The following NAV2 variants were observed in gnomAD, a reference collection of about 807,000 sequenced individuals.
NAV2 encodes neuron navigator 2, also known as helicase, APC down-regulated 1.
NAV2 carries 54 observed loss-of-function variants against 223.2 expected under a neutral mutation model. The ratio of observed to expected loss-of-function variants is 0.24; its 90% CI spans 0.19 to 0.30. The LOEUF is 0.30. NAV2 is among the 10% of genes least tolerant of loss of function. The probability of loss-of-function intolerance (pLI) is 1.00; values close to 1 mark genes in which losing one functional copy is unlikely to be tolerated. For synonymous variants in NAV2, 1,279 were observed against 1,239.3 expected (o/e 1.03, Z -0.67); for missense variants, 2,806 against 3,147.5 (o/e 0.89, Z 2.60).
At chr11:19,468,700 T>C (rs984739389) in intron 1 of NAV2, among the ~76,000 whole-genome samples, 2 of 152,210 alleles carry the variant, frequency 1.3e-5, no homozygotes, top group Admixed American at 6.5e-5. Flanking sequence ...AACAGGAGGA[T>C]TAAATTGAAA....
intron 1 of NAV2, among the ~76,000 whole-genome samples, chr11:19,605,593 C>T: frequency 6.6e-6 from 1 of 151,562 alleles, no homozygotes; most frequent in East Asian, 1.9e-4. Flanking sequence ...TAGCTGAGAC[C>T]TGTGCAAGGG....
chr11:19,468,958 G>C (rs2133917133), intron 1 of NAV2, among the ~76,000 whole-genome samples: 1 of 152,274 alleles, frequency 6.6e-6, no homozygotes, highest in South Asian at 2.1e-4. Flanking sequence ...CTGTAAAATT[G>C]AGATAACCAA....
chr11:19,455,969 C>A (rs2702689), intron 1 of NAV2, among the ~76,000 whole-genome samples: 381 of 152,216 alleles, frequency 2.5e-3, no homozygotes, highest in African/African-American at 8.5e-3. Context: ...AAAGCCTGAC[C>A]GTGCATATTC....
At chr11:20,094,023 G>C (rs977778793) in intron 29 of NAV2, among the ~76,000 whole-genome samples, 1 of 152,092 alleles carries the variant, frequency 6.6e-6, no homozygotes. Flanking sequence ...AGAACAAAGC[G>C]TCTGCAGCCA....
intron 1 of NAV2, among the ~76,000 whole-genome samples, chr11:19,490,577 C>T (rs1193114872): frequency 2.0e-5 from 3 of 152,214 alleles, no homozygotes; most frequent in Non-Finnish European, 2.9e-5. Flanking sequence ...AATTCAGTCA[C>T]ATCTTCAGGA....
intron 29 of NAV2, among the ~76,000 whole-genome samples, chr11:20,094,223 C>CTTTTTTTTTTTTTTTTTTTTTT (rs61099684): frequency 7.9e-5 from 7 of 88,518 alleles, no homozygotes; most frequent in Non-Finnish European, 1.0e-4. Context: ...TTTTCTTTAT[C>CTTTTTTTTTTTTTTTTTTTTTT]TTTTTTTTTT....
intron 1 of NAV2, among the ~76,000 whole-genome samples, chr11:19,406,827 C>A (rs1849918515): frequency 6.6e-6 from 1 of 152,144 alleles, no homozygotes; most frequent in Admixed American, 6.6e-5. Context: ...TAAGGAAATT[C>A]CTTAATATCA....
chr11:19,844,327 T>C (rs1293907953), intron 3 of NAV2, among the ~76,000 whole-genome samples: 2 of 152,250 alleles, frequency 1.3e-5, no homozygotes, highest in Non-Finnish European at 1.5e-5. Context: ...CAGGCCATTA[T>C]AATGTGTGTG....
intron 1 of NAV2, among the ~76,000 whole-genome samples, chr11:19,753,245 T>C (rs2053977802): frequency 6.6e-6 from 1 of 152,228 alleles, no homozygotes; most frequent in Non-Finnish European, 1.5e-5. Flanking sequence ...CTTATTAGAA[T>C]GGTACCTTCA....
At chr11:19,372,631 G>GC (rs1283599582) in intron 1 of NAV2, among the ~76,000 whole-genome samples, 2 of 152,166 alleles carry the variant, frequency 1.3e-5, no homozygotes, top group African/African-American at 2.4e-5. Flanking sequence ...TTGAAGGATA[G>GC]CACCTAGAAA....
chr11:19,616,864 C>T (rs562387584), intron 1 of NAV2, among the ~76,000 whole-genome samples: 1 of 152,072 alleles, frequency 6.6e-6, no homozygotes, highest in Non-Finnish European at 1.5e-5. Context: ...GTAGAAAGAG[C>T]ATGAGGCTTT....
chr11:19,865,956 A>T (rs990846733), intron 3 of NAV2, among the ~76,000 whole-genome samples: 3 of 152,208 alleles, frequency 2.0e-5, no homozygotes, highest in African/African-American at 7.2e-5. Flanking sequence ...GCTCCTATGT[A>T]TGACAGGGAG....
At chr11:19,884,300 A>G in intron 5 of NAV2, 1 of 1,613,486 alleles carries the variant, frequency 6.2e-7, no homozygotes, top group Non-Finnish European at 8.5e-7. Flanking sequence ...GCAGTGCATC[A>G]TCCAAGGACT....
At position 19,675,075 on chromosome 11, in the gene NAV2, C is replaced by T. The variant is rs1039663936; in HGVS notation, c.76-157409C>T. Among the ~76,000 whole-genome samples the T allele has an allele frequency of 3.9e-5, 6 of 152,158 alleles. No homozygotes were observed. In the South Asian group the frequency reaches 8.3e-4, roughly 21 times the overall value. On this transcript the variant is annotated intron_variant, in intron 1 of 37. Transcript: ENST00000360655. ...TCATGGCCACATCCTTCATGCACACCGCAGCTTCCTCCTCTTGCCTCAGCA... is the reference window on the plus strand; with the variant it reads ...TCATGGCCACATCCTTCATGCACACTGCAGCTTCCTCCTCTTGCCTCAGCA...
At chr11:19,952,217 T>G (rs1247600627) in intron 10 of NAV2, among the ~76,000 whole-genome samples, 1 of 152,226 alleles carries the variant, frequency 6.6e-6, no homozygotes, top group Non-Finnish European at 1.5e-5. Flanking sequence ...GAATAAGGCA[T>G]TGTTGAGGCA....
At chr11:19,558,971 C>T (rs1379161708) in intron 1 of NAV2, among the ~76,000 whole-genome samples, 1 of 152,192 alleles carries the variant, frequency 6.6e-6, no homozygotes, top group Non-Finnish European at 1.5e-5. Flanking sequence ...CAGCCTCTTA[C>T]CGCCTTGCCT....
chr11:19,363,812 C>T (rs760738446), intron 1 of NAV2, among the ~76,000 whole-genome samples: 4 of 152,290 alleles, frequency 2.6e-5, no homozygotes, highest in East Asian at 1.9e-4. Context: ...GCTCACAGAA[C>T]TCAAGAAAAC....
chr11:19,624,913 T>C (rs902521467), intron 1 of NAV2, among the ~76,000 whole-genome samples: 4 of 152,240 alleles, frequency 2.6e-5, no homozygotes, highest in African/African-American at 7.2e-5. Context: ...TTTCAAAATA[T>C]TTTAACATTT....
chr11:19,652,453 A>G (rs927796143), intron 1 of NAV2, among the ~76,000 whole-genome samples: 1 of 152,198 alleles, frequency 6.6e-6, no homozygotes, highest in Non-Finnish European at 1.5e-5. Flanking sequence ...ATATGCAGTG[A>G]GGAATCAAGG....
Sources: gnomAD v4.1 joint callset for allele counts (sites outside exome capture counted in the v4.1 genomes callset) on GRCh38, gnomAD v4.1.1 for gene constraint, MANE v1.5 for transcripts, NCBI Gene and HGNC (gene_info 2026-07-23, HGNC 2026-07-21) for gene names.